Variants in PDE3B observed in about 807,000 individuals in gnomAD.
PDE3B encodes the protein phosphodiesterase 3B.
In PDE3B, 66 loss-of-function variants were observed where a neutral mutation model predicts 116.8. The ratio of observed to expected loss-of-function variants is 0.56; its 90% CI spans 0.46 to 0.69. The LOEUF is 0.69. Among genes scored for constraint, PDE3B ranks in the 30% least tolerant of loss-of-function variants. PDE3B has a pLI of 0.00. For synonymous variants in PDE3B, 595 were observed against 533.6 expected (o/e 1.12, Z -1.59); for missense variants, 1,384 against 1,368.1 (o/e 1.01, Z -0.18).
chr11:14,873,438 G>A (rs1848163233), downstream of PDE3B, among the ~76,000 whole-genome samples: 1 of 152,168 alleles, frequency 6.6e-6, no homozygotes, highest in Non-Finnish European at 1.5e-5. Context: ...TGGACCACAG[G>A]GACATGTACA....
intron 1 of PDE3B, among the ~76,000 whole-genome samples, chr11:14,680,354 T>A (rs995977966): frequency 6.6e-6 from 1 of 152,146 alleles, no homozygotes. Context: ...GGGTCAGGCC[T>A]GGTTATATGT....
intron 1 of PDE3B, among the ~76,000 whole-genome samples, chr11:14,745,319 C>G (rs1397008040): frequency 2.0e-5 from 3 of 152,150 alleles, no homozygotes; most frequent in African/African-American, 7.2e-5. Context: ...AATACTGTAT[C>G]TGGATAATCA....
At chr11:14,804,071 A>G in intron 5 of PDE3B, 21 bp downstream of exon 5, 1 of 1,302,560 alleles carries the variant, frequency 7.7e-7, no homozygotes, top group East Asian at 2.3e-5. Flanking sequence ...ATTCTTTATG[A>G]CTCAAATATG....
intron 1 of PDE3B, among the ~76,000 whole-genome samples, chr11:14,667,087 T>C (rs1590045798): frequency 6.6e-6 from 1 of 152,116 alleles, no homozygotes; most frequent in Non-Finnish European, 1.5e-5. Flanking sequence ...ATATACACCA[T>C]GGAATACTAT....
intron 1 of PDE3B, among the ~76,000 whole-genome samples, chr11:14,764,625 G>A (rs571750146): frequency 6.0e-4 from 91 of 152,042 alleles, no homozygotes; most frequent in South Asian, 8.3e-4. Context: ...AGTTCTGTCC[G>A]TCACTTACTA....
At position 14,798,702 on chromosome 11, in the gene PDE3B, T is replaced by G. The variant is rs181922177; in HGVS notation, c.1416-5242T>G. Among the ~76,000 whole-genome samples, 319 of 152,332 alleles carry G rather than the reference T, an allele frequency of 2.1e-3. 1 individual carries two copies. The highest frequency in any genetic ancestry group is 7.0e-3 in the African/African-American group (290 of 41,562). On this transcript the variant is annotated intron_variant, in intron 4 of 15. Coordinates refer to ENST00000282096, the MANE Select transcript of PDE3B (RefSeq NM_000922.4). ...ACGAATTTATCCATTTCTTCTAGAT[T>G]TTTTAGTTTATTTGTGTAGAGGTGT... is the stretch of plus-strand genomic sequence containing the variant.
At chr11:14,663,418 A>C (rs1854006807) in intron 1 of PDE3B, among the ~76,000 whole-genome samples, 1 of 152,186 alleles carries the variant, frequency 6.6e-6, no homozygotes. Flanking sequence ...CAAAATAACC[A>C]GCTAACATCA....
the PDE3B span, among the ~76,000 whole-genome samples, chr11:14,892,600 C>A: frequency 1.3e-5 from 2 of 152,204 alleles, no homozygotes; most frequent in Non-Finnish European, 2.9e-5. Context: ...CTGCTTATTT[C>A]ATTTCACACT....
chr11:14,743,052 C>T (rs1324575909), intron 1 of PDE3B, among the ~76,000 whole-genome samples: 1 of 152,174 alleles, frequency 6.6e-6, no homozygotes, highest in Non-Finnish European at 1.5e-5. Context: ...GTCAGGGACC[C>T]ACTTGAGGAG....
intron 1 of PDE3B, among the ~76,000 whole-genome samples, chr11:14,696,880 C>T (rs1855221571): frequency 6.6e-6 from 1 of 151,940 alleles, no homozygotes; most frequent in South Asian, 2.1e-4. Flanking sequence ...AAATCTTTGC[C>T]TACAGGAAGA....
chr11:14,884,910 ATTGT>A, the PDE3B span, among the ~76,000 whole-genome samples: 135 of 151,914 alleles, frequency 8.9e-4, 1 homozygote, highest in African/African-American at 3.0e-3. Context: ...CTTTGGTCTA[ATTGT>A]TTGTTTTTTA....
At chr11:14,847,248 C>T (rs1847628535) in intron 12 of PDE3B, among the ~76,000 whole-genome samples, 1 of 151,652 alleles carries the variant, frequency 6.6e-6, no homozygotes, top group African/African-American at 2.4e-5. Context: ...CTACTGGGTA[C>T]ATAATGAAAT....
At chr11:14,858,843 G>A (rs1335854423) in intron 12 of PDE3B, among the ~76,000 whole-genome samples, 200 bp from the exon 13 acceptor site, 1 of 152,114 alleles carries the variant, frequency 6.6e-6, no homozygotes, top group Non-Finnish European at 1.5e-5. Flanking sequence ...TGGAAGGAAA[G>A]GTGTATCTTA....
chr11:14,852,577 ATTG>A (rs1309927411), intron 12 of PDE3B, among the ~76,000 whole-genome samples: 1 of 152,232 alleles, frequency 6.6e-6, no homozygotes, highest in African/African-American at 2.4e-5. Context: ...CTAACTTCTC[ATTG>A]TTACGAATTG....
At position 14,870,651 on chromosome 11, in the gene PDE3B, A is replaced by G. The variant is rs1848127636; in HGVS notation, c.*991A>G. ...AACATGTGGTTATCTTTAGATCCAC[A>G]TCTTAGCTGTCATTTGTTCACTCTA... On this transcript the variant is annotated 3_prime_UTR_variant, in exon 16 of 16. Transcript: ENST00000282096. The surrounding 1 kb of genome is among the most constrained non-coding windows in gnomAD (Gnocchi z 4.1). 1 of 152,280 alleles carries G rather than the reference A, an allele frequency of 6.6e-6. No individual in the cohort carries two copies. Among genetic ancestry groups the G allele is most frequent in the South Asian group, 2.1e-4 (1 of 4,830 alleles). The allele number at this position is 152,280 out of a possible 1,614,324, so 9.4% of individuals were successfully genotyped here.
At chr11:14,899,262 G>A in the PDE3B span, among the ~76,000 whole-genome samples, 1 of 152,098 alleles carries the variant, frequency 6.6e-6, no homozygotes, top group Non-Finnish European at 1.5e-5. Context: ...GGATTTGAGA[G>A]CTGTTCTACT....
intron 1 of PDE3B, among the ~76,000 whole-genome samples, chr11:14,734,355 G>A (rs1244449795): frequency 6.6e-6 from 1 of 152,226 alleles, no homozygotes; most frequent in African/African-American, 2.4e-5. Context: ...ACAGGCATGA[G>A]CCACTGCACC....
At chr11:14,806,488 C>T (rs550277112) in intron 5 of PDE3B, among the ~76,000 whole-genome samples, 4 of 151,384 alleles carry the variant, frequency 2.6e-5, no homozygotes, top group Admixed American at 6.6e-5. Flanking sequence ...CACATGCACA[C>T]GTATGTTTAT....
intron 10 of PDE3B, among the ~76,000 whole-genome samples, 164 bp from the exon 11 acceptor site, chr11:14,834,818 A>T (rs561094913): frequency 2.9e-3 from 446 of 152,332 alleles, no homozygotes; most frequent in South Asian, 4.4e-3. Flanking sequence ...TTTTTAAAAG[A>T]TATTTTTTTT....
Sources: allele counts gnomAD v4.1 joint callset (sites outside exome capture counted in the v4.1 genomes callset), GRCh38; gene constraint gnomAD v4.1.1; non-coding constraint Gnocchi (gnomAD v3.1); transcripts MANE v1.5; gene names NCBI Gene and HGNC (gene_info 2026-07-23, HGNC 2026-07-21).